PUM2: variants seen among roughly 807,000 people sequenced by gnomAD.
The protein encoded by PUM2 is pumilio homolog 2.
A neutral mutation model predicts 124.5 loss-of-function variants in PUM2; 57 were observed. The ratio of observed to expected loss-of-function variants is 0.46; its 90% CI spans 0.37 to 0.57. The LOEUF is 0.57. PUM2 is among the 20% of genes least tolerant of loss of function. The probability of loss-of-function intolerance (pLI) is 0.00; values close to 1 mark genes in which losing one functional copy is unlikely to be tolerated. For missense variants in PUM2, 1,065 were observed against 1,290.6 expected (o/e 0.83, Z 2.68); for synonymous variants, 460 against 446.1 (o/e 1.03, Z -0.39).
In PUM2 at chr2:20,264,505, C is replaced by T. The variant is rs1002718545; in HGVS notation, c.1958-1045G>A. Among the ~76,000 whole-genome samples, 7 of 149,528 alleles carry T rather than the reference C, an allele frequency of 4.7e-5. 1 individual carries two copies. Among genetic ancestry groups the T allele is most frequent in the Admixed American group, 1.3e-4 (2 of 14,956 alleles). The stretch of plus-strand genomic sequence containing the variant: ...TAAAAAACATTTTTAACTTACATTC[C>T]GTTCCAAGAAAGAAAATCAAAGAGC... On this transcript the variant is annotated intron_variant, in intron 13 of 20. Transcript: ENST00000361078.
chr2:20,343,442 ATAAC>A (rs1015188221), intron 1 of PUM2, among the ~76,000 whole-genome samples: 1 of 152,158 alleles, frequency 6.6e-6, no homozygotes, highest in Non-Finnish European at 1.5e-5. Context: ...CTAAATAAAA[ATAAC>A]TAAGTAATTT....
rs865999620 is a variant in PUM2 at position 20,350,488 on chromosome 2, C to T, written c.-19+109G>A. The T allele has an allele frequency of 1.1e-4, 106 of 985,548 alleles. No individual in the cohort carries two copies. In the African/African-American group the frequency reaches 1.7e-3, roughly 16 times the overall value. The allele number at this position is 985,548 out of a possible 1,614,324, so 61.1% of individuals were successfully genotyped here. The stretch of plus-strand genomic sequence containing the variant: ...GCCCGGGCACTCAGCAGGCCCTATC[C>T]GCCCTCCCGCTGGCGATCGGCTCCC... On this transcript the variant is annotated intron_variant, in intron 1 of 20. Transcript: ENST00000361078.
At chr2:20,321,064 AAAGT>A (rs1305353417) in intron 2 of PUM2, among the ~76,000 whole-genome samples, 1 of 152,214 alleles carries the variant, frequency 6.6e-6, no homozygotes, top group Admixed American at 6.5e-5. Flanking sequence ...TGAGGTAGTA[AAAGT>A]AATAGCACCC....
At chr2:20,312,536 T>G in intron 3 of PUM2, 113 bp from the exon 4 acceptor site, 1 of 982,620 alleles carries the variant, frequency 1.0e-6, no homozygotes, top group Non-Finnish European at 1.5e-6. Flanking sequence ...TTTTGAATGT[T>G]ATTACTATAA....
rs1261816293 is a variant in PUM2 at position 20,263,296 on chromosome 2, T to G, written c.2122A>C (p.Ser708Arg). 1 of 1,613,946 alleles carries G rather than the reference T, an allele frequency of 6.2e-7. No homozygotes were observed. Residue 708 changes from serine to arginine, a missense_variant, in exon 14 of 21, where the codon AGT becomes CGT. Physicochemically the swap from Ser to Arg is moderately radical, Grantham distance 110 (BLOSUM62 -1). This residue lies in a region of PUM2 where 968 missense variants were observed against 1,159.8 expected (regional missense o/e 0.83). Coordinates refer to ENST00000361078, the MANE Select transcript of PUM2 (RefSeq NM_015317.5). Reference protein sequence around the residue: ...NRSDIMPSGRSRLLEDFRNNR... With the variant: ...NRSDIMPSGRRRLLEDFRNNR... ...TTTCTGAAATCTTCCAATAATCTAC[T>G]GCGGCCAGAAGGCATAATATCAGAC...
intron 1 of PUM2, among the ~76,000 whole-genome samples, chr2:20,347,154 G>T (rs1688396406): frequency 6.6e-6 from 1 of 152,184 alleles, no homozygotes; most frequent in Non-Finnish European, 1.5e-5. Flanking sequence ...ACCTGAAAAT[G>T]GTTGGGATCC....
chr2:20,274,977 T>G (rs1372501031), intron 13 of PUM2, among the ~76,000 whole-genome samples: 4 of 4,812 alleles, frequency 8.3e-4, no homozygotes, highest in Admixed American at 3.5e-3. Context: ...AAAAAAAAGA[T>G]GCTTACTTCT....
intron 13 of PUM2, among the ~76,000 whole-genome samples, chr2:20,265,601 T>G (rs1322470414): frequency 2.6e-5 from 4 of 152,212 alleles, no homozygotes; most frequent in African/African-American, 2.4e-5. Flanking sequence ...GGTTAAAATT[T>G]TTTCTTAATC....
chr2:20,282,044 T>C (rs889952786), intron 12 of PUM2, among the ~76,000 whole-genome samples: 1 of 152,224 alleles, frequency 6.6e-6, no homozygotes, highest in African/African-American at 2.4e-5. Flanking sequence ...TGTAGCAAGT[T>C]ATGTTATAGA....
intron 13 of PUM2, among the ~76,000 whole-genome samples, chr2:20,265,722 T>C (rs1667491954): frequency 6.6e-6 from 1 of 152,238 alleles, no homozygotes; most frequent in African/African-American, 2.4e-5. Context: ...AGCATCCTGA[T>C]AAGAGTACTT....
chr2:20,331,914 TA>T (rs1156229512), intron 1 of PUM2: 1 of 152,240 alleles, frequency 6.6e-6, no homozygotes, highest in African/African-American at 2.4e-5. Context: ...GCTACTCAAC[TA>T]CGCCTCTGTA....
chr2:20,339,514 T>C (rs1686813780), intron 1 of PUM2, among the ~76,000 whole-genome samples: 1 of 152,246 alleles, frequency 6.6e-6, no homozygotes, highest in Non-Finnish European at 1.5e-5. Context: ...TTACTTTTAA[T>C]ACATCAGGTT....
rs868240369 is a variant in PUM2, at chr2:20,264,377, T to A, written c.1958-917A>T. ...AAAAAAAAAAAAAAAAATATATATA[T>A]ATATATATATATATATATATTTGAC... On this transcript the variant is annotated intron_variant, in intron 13 of 20. Coordinates refer to ENST00000361078, the MANE Select transcript of PUM2 (RefSeq NM_015317.5). Among the ~76,000 whole-genome samples the A allele has an allele frequency of 1.7e-3, 177 of 103,520 alleles. 1 individual carries two copies. The highest frequency in any genetic ancestry group is 6.7e-3 in the African/African-American group (146 of 21,700). The allele number at this position is 103,520 out of a possible 152,430, so 67.9% of individuals were successfully genotyped here.
Position 20,249,700 on chromosome 2 carries a change from C to A in PUM2, c.*1885G>T, listed in dbSNP as rs945504486. 1 of 152,592 alleles carries A rather than the reference C, an allele frequency of 6.6e-6. No homozygotes were observed. The highest frequency in any genetic ancestry group is 2.4e-5 in the African/African-American group (1 of 41,438). 9.5% of individuals were successfully genotyped at this position (152,592 alleles called of 1,614,324 possible). A position where few individuals can be genotyped will look rare whatever the true frequency, so the allele number is the denominator to read the frequency against. On this transcript the variant is annotated 3_prime_UTR_variant, in exon 21 of 21. Transcript: ENST00000361078. ...AAAAAAAGATCTCTTCCATATTCAG[C>A]TGACAGAATAGCATGTTCATTTTAG...
intron 1 of PUM2, among the ~76,000 whole-genome samples, chr2:20,336,489 A>T (rs1165328288): frequency 1.3e-5 from 2 of 151,828 alleles, no homozygotes; most frequent in Non-Finnish European, 2.9e-5. Flanking sequence ...TGCCTGGCCT[A>T]AAAAGTGGTT....
chr2:20,254,303 G>T (rs1349420224), intron 19 of PUM2, among the ~76,000 whole-genome samples: 1 of 151,998 alleles, frequency 6.6e-6, no homozygotes, highest in Non-Finnish European at 1.5e-5. Flanking sequence ...TGAGACTACA[G>T]GCATGCGCCA....
chr2:20,262,585 T>G (rs921363523), intron 14 of PUM2, among the ~76,000 whole-genome samples: 2 of 152,222 alleles, frequency 1.3e-5, no homozygotes, highest in South Asian at 4.1e-4. Flanking sequence ...GAGACAAAAT[T>G]TGTACACCAT....
intron 2 of PUM2, among the ~76,000 whole-genome samples, chr2:20,325,979 T>A (rs10197941): frequency 6.6e-6 from 1 of 152,134 alleles, no homozygotes; most frequent in South Asian, 2.1e-4. Flanking sequence ...GACAAGAAGG[T>A]TGAAGCACTG....
At chr2:20,332,215 C>G in intron 1 of PUM2, among the ~76,000 whole-genome samples, 1 of 151,724 alleles carries the variant, frequency 6.6e-6, no homozygotes, top group East Asian at 1.9e-4. Flanking sequence ...AATCCACTTC[C>G]AAATATGAGT....
Sources: gnomAD v4.1 joint callset for allele counts (sites outside exome capture counted in the v4.1 genomes callset) on GRCh38, gnomAD v4.1.1 for gene constraint, gnomAD v4.1.1 regional missense constraint, MANE v1.5 for transcripts, NCBI Gene and HGNC (gene_info 2026-07-23, HGNC 2026-07-21) for gene names.